The following RPA1 variants were observed in gnomAD, a reference collection of about 807,000 sequenced individuals.
RPA1 encodes replication protein A1.
RPA1 carries 49 observed loss-of-function variants against 83.0 expected under a neutral mutation model. That is an observed-to-expected ratio of 0.59 (90% CI 0.47 to 0.75). The LOEUF is 0.75. Ranked by LOEUF, RPA1 falls within the 30% of genes least tolerant of loss-of-function variation. The pLI is 0.00. For missense variants in RPA1, 693 were observed against 776.1 expected, an observed-to-expected ratio of 0.89 and a Z score of 1.27; for synonymous variants, 279 against 281.8, an observed-to-expected ratio of 0.99 and a Z score of 0.10.
intron 5 of RPA1, among the ~76,000 whole-genome samples, chr17:1,867,846 A>G (rs907370338): frequency 7.9e-5 from 12 of 152,158 alleles, no homozygotes; most frequent in African/African-American, 2.9e-4. Context: ...TGGGAGGTCG[A>G]GGCAGGAGGA....
In RPA1 at chr17:1,884,051, C is replaced by T. The variant is rs1327448341; in HGVS notation, c.1374+107C>T. 2.3e-5 allele frequency: 34 copies of T among 1,489,598 alleles called. No individual in the cohort carries two copies. The highest frequency in any genetic ancestry group is 1.4e-4 in the African/African-American group (10 of 72,462). 92.3% of individuals were successfully genotyped at this position (1,489,598 alleles called of 1,614,324 possible). On this transcript the variant is annotated intron_variant, in intron 13 of 16. Transcript: ENST00000254719. This position sits in a 1 kb window ranked among gnomAD's most constrained non-coding sequence, Gnocchi z 4.1. ...AGCTGTCAGAGCCGTAATTCTTACCCGGGGCTGTGACCTGAGCGTGGCATG... is the reference window on the plus strand; with the variant it reads ...AGCTGTCAGAGCCGTAATTCTTACCTGGGGCTGTGACCTGAGCGTGGCATG...
chr17:1,889,335 AT>A (rs11393139), intron 14 of RPA1, among the ~76,000 whole-genome samples: 10 of 146,928 alleles, frequency 6.8e-5, no homozygotes, highest in African/African-American at 1.5e-4. Context: ...GTTTAAAAAA[AT>A]TTTTTTTTTT....
rs1271559502 is a variant in RPA1, at chr17:1,900,071, GTTA to G, written c.*2900_*2902del. ...CTTATTCAAAAAAACTGGTATTTTT[GTTA>G]TTAAGACATTAAGTAAATGTTTAAG... On this transcript the variant is annotated 3_prime_UTR_variant, in exon 17 of 17. Coordinates refer to ENST00000254719, the MANE Select transcript of RPA1 (RefSeq NM_002945.5). 1.3e-5 allele frequency: 2 copies of G among 151,828 alleles called. No individual in the cohort carries two copies. The highest frequency in any genetic ancestry group is 6.6e-5 in the Admixed American group (1 of 15,196). 9.4% of individuals were successfully genotyped at this position (151,828 alleles called of 1,614,324 possible). A position where few individuals can be genotyped will look rare whatever the true frequency, so the allele number is the denominator to read the frequency against.
chr17:1,846,137 C>T (rs531683720), intron 4 of RPA1, among the ~76,000 whole-genome samples: 47 of 152,020 alleles, frequency 3.1e-4, no homozygotes, highest in Admixed American at 5.2e-4. Context: ...TCTTTAGTGC[C>T]GTCTTCCCCA....
chr17:1,874,365 G>A (rs17292021), intron 6 of RPA1, among the ~76,000 whole-genome samples: 377 of 152,248 alleles, frequency 2.5e-3, no homozygotes, highest in Non-Finnish European at 4.1e-3. Flanking sequence ...AATCAGCTGG[G>A]CGTGGTGGTG....
chr17:1,896,206 C>A (rs528852762), intron 16 of RPA1, among the ~76,000 whole-genome samples: 1 of 152,292 alleles, frequency 6.6e-6, no homozygotes, highest in South Asian at 2.1e-4. Context: ...AACGTCCAAC[C>A]CAGGCAGCCT....
intron 13 of RPA1, among the ~76,000 whole-genome samples, chr17:1,885,761 G>C (rs1913965503): frequency 6.6e-6 from 1 of 152,140 alleles, no homozygotes; most frequent in Non-Finnish European, 1.5e-5. Flanking sequence ...ATAGCATCTA[G>C]AATGGTGAAT....
At chr17:1,881,024 G>A (rs1181395171) in intron 12 of RPA1, among the ~76,000 whole-genome samples, 1 of 152,204 alleles carries the variant, frequency 6.6e-6, no homozygotes, top group Admixed American at 6.5e-5. Context: ...TAGGCTCTGG[G>A]CCTCTGTGGC....
At chr17:1,847,022 C>A (rs747885633) in intron 4 of RPA1, among the ~76,000 whole-genome samples, 7 of 152,154 alleles carry the variant, frequency 4.6e-5, no homozygotes, top group Admixed American at 1.3e-4. Flanking sequence ...TATAGTCGTA[C>A]TTATTTTGCC....
rs183515278 is a variant in RPA1 at position 1,852,879 on chromosome 17, G to A, written c.273-222G>A. The stretch of plus-strand genomic sequence containing the variant: ...GGTTGGCTCCTTGAAGATACGGTGC[G>A]TAGCGAGAACACTGCATTTTAATTA... On this transcript the variant is annotated intron_variant, in intron 4 of 16. Coordinates refer to ENST00000254719, the MANE Select transcript of RPA1 (RefSeq NM_002945.5). 2.9e-4 allele frequency among the ~76,000 whole-genome samples: 44 copies of A among 152,264 alleles called. No individual in the cohort carries two copies. In the East Asian group the frequency reaches 7.3e-3, roughly 25 times the overall value.
At chr17:1,854,965 C>CT (rs1912635842) in intron 5 of RPA1, among the ~76,000 whole-genome samples, 1 of 152,168 alleles carries the variant, frequency 6.6e-6, no homozygotes, top group African/African-American at 2.4e-5. Flanking sequence ...AGCGTTCAGA[C>CT]TTTCACCATT....
intron 1 of RPA1, among the ~76,000 whole-genome samples, chr17:1,836,067 C>A (rs1040481137): frequency 1.3e-5 from 2 of 152,102 alleles, no homozygotes; most frequent in African/African-American, 4.8e-5. Flanking sequence ...TTAGAAAAAT[C>A]ACTGTCATTG....
At chr17:1,869,795 A>ACTG (rs1913312147) in intron 5 of RPA1, among the ~76,000 whole-genome samples, 1 of 152,142 alleles carries the variant, frequency 6.6e-6, no homozygotes, top group Non-Finnish European at 1.5e-5. Flanking sequence ...CTTGCCATTC[A>ACTG]CAACATGCAC....
In RPA1 at chr17:1,879,301, C is replaced by T. The variant is rs146561618; in HGVS notation, c.846C>T (p.Asn282=). 2.4e-4 allele frequency: 389 copies of T among 1,614,028 alleles called. No individual in the cohort carries two copies. Among genetic ancestry groups the T allele is most frequent in the East Asian group, 2.2e-3 (101 of 44,894 alleles). The change falls in exon 10 of 17, where the codon AAC becomes AAT. Residue 282 remains asparagine (N), a synonymous_variant. Coordinates refer to ENST00000254719, the MANE Select transcript of RPA1 (RefSeq NM_002945.5). ...ATGACTACGAGATGACCTTCAATAA[C>T]GAGACTTCCGTCATGCCCTGTGAGG... ...VKNDYEMTFN[N]ETSVMPCEDD... is the part of the protein sequence containing the mutation.
chr17:1,840,198 A>G (rs1034325593), intron 1 of RPA1, among the ~76,000 whole-genome samples: 1 of 152,100 alleles, frequency 6.6e-6, no homozygotes, highest in Non-Finnish European at 1.5e-5. Context: ...CAGTGGTGCA[A>G]TCACAGCTCA....
Position 1,853,244 on chromosome 17 carries a change from C to A in RPA1, c.361+55C>A. 3.8e-6 allele frequency: 5 copies of A among 1,310,274 alleles called. No individual in the cohort carries two copies. The East Asian group carries it at 6.9e-5, about 18-fold the overall frequency. The allele number at this position is 1,310,274 out of a possible 1,614,324, so 81.2% of individuals were successfully genotyped here. A position where few individuals can be genotyped will look rare whatever the true frequency, so the allele number is the denominator to read the frequency against. On this transcript the variant is annotated intron_variant, in intron 5 of 16. Coordinates refer to ENST00000254719, the MANE Select transcript of RPA1 (RefSeq NM_002945.5). ...TCAAATGAATACCTCTTTATATATTCGGAGTTCTACCTTTTGGATTCAGTT... is the reference window on the plus strand; with the variant it reads ...TCAAATGAATACCTCTTTATATATTAGGAGTTCTACCTTTTGGATTCAGTT...
At chr17:1,844,028 G>T in intron 3 of RPA1, 30 bp downstream of exon 3, 1 of 1,595,448 alleles carries the variant, frequency 6.3e-7, no homozygotes, top group Non-Finnish European at 8.6e-7. Context: ...CTAGAAATGT[G>T]TGAGTATTTA....
In RPA1 at chr17:1,879,415, C is replaced by A; in HGVS notation, c.952+8C>A. On this transcript the variant is annotated splice_region_variant and intron_variant, in intron 10 of 16. Transcript: ENST00000254719. The stretch of plus-strand genomic sequence containing the variant: ...CGAAAGACTCACTTGTAGGTAAGCT[C>A]GTGTATGAGAAGGAAGAGCAGGGAT... 1 of 1,613,392 alleles carries A rather than the reference C, an allele frequency of 6.2e-7. No homozygotes were observed. The highest frequency in any genetic ancestry group is 8.5e-7 in the Non-Finnish European group (1 of 1,179,480).
At chr17:1,869,806 T>C (rs1913312860) in intron 5 of RPA1, among the ~76,000 whole-genome samples, 1 of 152,204 alleles carries the variant, frequency 6.6e-6, no homozygotes, top group Non-Finnish European at 1.5e-5. Flanking sequence ...CAACATGCAC[T>C]GCAACATGTT....
Sources: allele counts gnomAD v4.1 joint callset (sites outside exome capture counted in the v4.1 genomes callset), GRCh38; gene constraint gnomAD v4.1.1; non-coding constraint Gnocchi (gnomAD v3.1); transcripts MANE v1.5; gene names NCBI Gene and HGNC (gene_info 2026-07-23, HGNC 2026-07-21).